The following DLGAP2 variants were observed in gnomAD, a reference collection of about 807,000 sequenced individuals.
The protein encoded by DLGAP2 is DLG associated protein 2.
Under a neutral mutation model 100.3 loss-of-function variants are expected in DLGAP2, and 26 were observed. The observed-to-expected ratio is 0.26, with a 90% CI of 0.19 to 0.36. The LOEUF (loss-of-function observed/expected upper bound fraction) is 0.36. Among genes scored for constraint, DLGAP2 ranks in the 10% least tolerant of loss-of-function variants. DLGAP2 has a pLI of 1.00. For synonymous variants in DLGAP2, 886 were observed against 630.1 expected, an observed-to-expected ratio of 1.41 and a Z score of -6.08; for missense variants, 1,858 against 1,453.2, an observed-to-expected ratio of 1.28 and a Z score of -4.53.
In DLGAP2 at chr8:1,282,163, G is replaced by A. The variant is rs79986167; in HGVS notation, c.106+23280G>A. Among the ~76,000 whole-genome samples, 520 of 138,972 alleles carry A rather than the reference G, an allele frequency of 3.7e-3. 8 individuals carry two copies. Among genetic ancestry groups the A allele is most frequent in the African/African-American group, 0.013 (477 of 36,238 alleles). The allele number at this position is 138,972 out of a possible 152,430, so 91.2% of individuals were successfully genotyped here. ...AACCCAGCGCATGTACCATCCAGAC[G>A]TGGTGTGACCTGAACCCAGCACGTG... On this transcript the variant is annotated intron_variant, in intron 3 of 14. Transcript: ENST00000637795.
chr8:1,352,616 C>G (rs1206032312), intron 3 of DLGAP2, among the ~76,000 whole-genome samples: 4 of 152,074 alleles, frequency 2.6e-5, no homozygotes, highest in South Asian at 4.2e-4. Context: ...GGAAGTTGGC[C>G]CATTTCTCTG....
chr8:739,211 G>A (rs1820416339), intron 1 of DLGAP2: 1 of 152,280 alleles, frequency 6.6e-6, no homozygotes, highest in African/African-American at 2.4e-5. Context: ...CGTCTTCCCG[G>A]ACTCGAGGCT....
At chr8:1,616,841 A>C (rs1797170381) in intron 6 of DLGAP2, among the ~76,000 whole-genome samples, 1 of 152,164 alleles carries the variant, frequency 6.6e-6, no homozygotes, top group African/African-American at 2.4e-5. Flanking sequence ...TCATCCAGGT[A>C]ATAAGCATTG....
At chr8:1,363,844 G>A (rs369186493) in intron 3 of DLGAP2, among the ~76,000 whole-genome samples, 274 of 152,266 alleles carry the variant, frequency 1.8e-3, no homozygotes, top group African/African-American at 6.3e-3. Context: ...GGCAGGCCTG[G>A]CCTTGGCCTG....
intron 3 of DLGAP2, among the ~76,000 whole-genome samples, chr8:1,458,066 A>G (rs570258255): frequency 6.8e-6 from 1 of 147,002 alleles, no homozygotes; most frequent in African/African-American, 2.5e-5. Flanking sequence ...GTATATGTAT[A>G]TAATTTTTTG....
intron 2 of DLGAP2, among the ~76,000 whole-genome samples, chr8:1,185,886 A>G (rs188681046): frequency 1.2e-3 from 175 of 152,090 alleles, no homozygotes; most frequent in Non-Finnish European, 2.0e-3. Context: ...CACAGAGAAC[A>G]CTCCGGAACT....
At chr8:1,004,964 G>A (rs1425684474) in intron 2 of DLGAP2, among the ~76,000 whole-genome samples, 2 of 152,222 alleles carry the variant, frequency 1.3e-5, no homozygotes, top group Non-Finnish European at 2.9e-5. Flanking sequence ...GATGGTCACA[G>A]GCACACACAG....
chr8:1,087,455 G>T lies in DLGAP2; in HGVS notation c.74-171396G>T, dbSNP rs933149259. ...AAGGCTGTGAGCAGCATCAAATTGT[G>T]TGTGACTCTTGCAGTATTTGGCAGG... On this transcript the variant is annotated intron_variant, in intron 2 of 14. Coordinates refer to ENST00000637795, the MANE Select transcript of DLGAP2 (RefSeq NM_001346810.2). 8.5e-5 allele frequency among the ~76,000 whole-genome samples: 13 copies of T among 152,084 alleles called. 1 individual carries two copies. Among genetic ancestry groups the T allele is most frequent in the Admixed American group, 6.5e-4 (10 of 15,272 alleles).
rs181329422 is a variant in DLGAP2, at chr8:1,310,284, A to G, written c.106+51401A>G. ...AAAATGAAGGACAGAGGCTATTTAT[A>G]TATTGACAGAAGGGTCAATTCAACA... On this transcript the variant is annotated intron_variant, in intron 3 of 14. Transcript: ENST00000637795. Among the ~76,000 whole-genome samples the G allele has an allele frequency of 4.6e-5, 7 of 152,376 alleles. No homozygotes were observed. The East Asian group carries it at 9.6e-4, about 21-fold the overall frequency.
rs959806541 is a variant in DLGAP2, at chr8:1,668,522, C to G, written c.2004C>G (p.Asp668Glu). Residue 668 changes from aspartate (D) to glutamate (E), a missense_variant, in exon 9 of 15, where the codon GAC becomes GAG. Coordinates refer to ENST00000637795, the MANE Select transcript of DLGAP2 (RefSeq NM_001346810.2). ...RGLYNSTDSL[D>E]SNKAMNLALE... ...TCTACAACTCCACGGACAGCCTGGA[C>G]AGCAACAAGGCCATGAACCTCGCGC... 3.8e-6 allele frequency: 6 copies of G among 1,593,602 alleles called. No homozygotes were observed. The highest frequency in any genetic ancestry group is 1.3e-5 in the African/African-American group (1 of 74,322).
intron 2 of DLGAP2, among the ~76,000 whole-genome samples, chr8:1,067,045 G>A (rs1044629258): frequency 6.6e-6 from 1 of 152,162 alleles, no homozygotes; most frequent in Non-Finnish European, 1.5e-5. Context: ...GCAGAGAGGG[G>A]TTGGTCTCCT....
intron 2 of DLGAP2, among the ~76,000 whole-genome samples, chr8:1,138,256 C>T (rs902533930): frequency 6.6e-5 from 10 of 152,188 alleles, no homozygotes; most frequent in Non-Finnish European, 1.0e-4. Flanking sequence ...CTCTAAGCAT[C>T]GCAGGAGCCT....
chr8:1,191,910 G>A (rs746626666), intron 2 of DLGAP2, among the ~76,000 whole-genome samples: 7 of 152,190 alleles, frequency 4.6e-5, no homozygotes, highest in Non-Finnish European at 8.8e-5. Flanking sequence ...TGAGCATGAA[G>A]CTCACTGATC....
At chr8:1,567,923 T>C (rs1177530382) in intron 6 of DLGAP2, among the ~76,000 whole-genome samples, 1 of 152,194 alleles carries the variant, frequency 6.6e-6, no homozygotes, top group Non-Finnish European at 1.5e-5. Flanking sequence ...TGGCCTCAAA[T>C]CTGATCAGAT....
At chr8:1,039,596 A>G (rs1166796285) in intron 2 of DLGAP2, among the ~76,000 whole-genome samples, 5 of 85,442 alleles carry the variant, frequency 5.9e-5, no homozygotes, top group Admixed American at 1.2e-4. Flanking sequence ...GTGCGTGGTC[A>G]GCTTGGTGTG....
intron 3 of DLGAP2, among the ~76,000 whole-genome samples, chr8:1,344,350 C>T (rs991541197): frequency 1.3e-5 from 2 of 152,204 alleles, no homozygotes; most frequent in Non-Finnish European, 2.9e-5. Context: ...CCTCACACCT[C>T]GCACATGGCC....
rs192646886 is a variant in DLGAP2, at chr8:969,140, G to T, written c.73+61174G>T. Among the ~76,000 whole-genome samples the T allele has an allele frequency of 6.8e-3, 1,034 of 152,216 alleles. 7 individuals carry two copies. The highest frequency in any genetic ancestry group is 0.021 in the South Asian group (101 of 4,816). On this transcript the variant is annotated intron_variant, in intron 2 of 14. Coordinates refer to ENST00000637795, the MANE Select transcript of DLGAP2 (RefSeq NM_001346810.2). Reference sequence around the variant, plus strand: ...CTCAGTGAAGCAGACCTCTCCCCAGGGGGGATGGGCTCACGCAATCCCCTC... The same window carrying T: ...CTCAGTGAAGCAGACCTCTCCCCAGTGGGGATGGGCTCACGCAATCCCCTC...
chr8:1,559,017 G>C (rs1172700804), intron 5 of DLGAP2, among the ~76,000 whole-genome samples: 1 of 152,196 alleles, frequency 6.6e-6, no homozygotes, highest in East Asian at 1.9e-4. Flanking sequence ...CCTTTCACCT[G>C]GGCTTTGCAG....
At chr8:1,571,993 A>AG (rs1251051638) in intron 6 of DLGAP2, among the ~76,000 whole-genome samples, 1 of 116,416 alleles carries the variant, frequency 8.6e-6, no homozygotes, top group Non-Finnish European at 1.8e-5. Context: ...GAGAGGAGAG[A>AG]GGGTGAACTG....
Sources: gnomAD v4.1 joint callset for allele counts (sites outside exome capture counted in the v4.1 genomes callset) on GRCh38, gnomAD v4.1.1 for gene constraint, MANE v1.5 for transcripts, NCBI Gene and HGNC (gene_info 2026-07-23, HGNC 2026-07-21) for gene names.